Variants in NELL1 observed in about 807,000 individuals in gnomAD.
NELL1 encodes the protein neural EGFL like 1.
NELL1 carries 76 observed loss-of-function variants against 107.4 expected under a neutral mutation model. The ratio of observed to expected loss-of-function variants is 0.71; its 90% CI spans 0.59 to 0.86. The LOEUF is 0.86. Among genes scored for constraint, NELL1 ranks in the 40% least tolerant of loss-of-function variants. The pLI is 0.00. For synonymous variants in NELL1, 353 were observed against 341.2 expected, an observed-to-expected ratio of 1.03 and a Z score of -0.38; for missense variants, 1,024 against 1,005.5, an observed-to-expected ratio of 1.02 and a Z score of -0.25.
intron 12 of NELL1, among the ~76,000 whole-genome samples, chr11:20,969,174 T>A (rs1002689194): frequency 1.3e-5 from 2 of 152,168 alleles, no homozygotes; most frequent in Non-Finnish European, 2.9e-5. Context: ...CTTTTCACTT[T>A]CCTGTTGTAT....
intron 12 of NELL1, among the ~76,000 whole-genome samples, chr11:21,107,163 C>T (rs890917632): frequency 5.3e-5 from 8 of 151,954 alleles, no homozygotes; most frequent in East Asian, 3.9e-4. Flanking sequence ...ACACAAAGTC[C>T]GTAATATACA....
At chr11:21,461,430 G>T (rs981990014) in intron 15 of NELL1, among the ~76,000 whole-genome samples, 2 of 152,010 alleles carry the variant, frequency 1.3e-5, no homozygotes, top group African/African-American at 4.8e-5. Context: ...TTTATGCCAG[G>T]TCTTTCTCCC....
intron 4 of NELL1, among the ~76,000 whole-genome samples, chr11:20,851,047 T>C (rs1026838438): frequency 6.6e-6 from 1 of 152,162 alleles, no homozygotes; most frequent in Admixed American, 6.5e-5. Context: ...TAATGACATG[T>C]ACTGCCAAAG....
intron 16 of NELL1, among the ~76,000 whole-genome samples, chr11:21,536,325 A>G (rs1171124067): frequency 1.3e-5 from 2 of 152,258 alleles, no homozygotes; most frequent in African/African-American, 4.8e-5. Flanking sequence ...TGTATTCAAT[A>G]TAGTTAAACC....
At chr11:21,534,780 C>G (rs1195334644) in intron 16 of NELL1, among the ~76,000 whole-genome samples, 1 of 152,052 alleles carries the variant, frequency 6.6e-6, no homozygotes, top group African/African-American at 2.4e-5. Context: ...AAACCTTAGT[C>G]TTCTTAATTC....
chr11:20,970,485 T>C (rs1851476685), intron 12 of NELL1, among the ~76,000 whole-genome samples: 1 of 152,142 alleles, frequency 6.6e-6, no homozygotes, highest in African/African-American at 2.4e-5. Context: ...ACAATAGGAT[T>C]TGTTCTATCC....
rs112234388 is a variant in NELL1 at position 20,882,303 on chromosome 11, T to C, written c.507-3141T>C. Among the ~76,000 whole-genome samples, 727 of 152,372 alleles carry C rather than the reference T, an allele frequency of 4.8e-3. 11 individuals are homozygous for C. The highest frequency in any genetic ancestry group is 0.016 in the African/African-American group (664 of 41,586). Reference sequence around the variant, plus strand: ...CTTGCCTCACCATTCCCACCAGGCCTGTGATAGGAAAATTCTGTGCGTATC... The same window carrying C: ...CTTGCCTCACCATTCCCACCAGGCCCGTGATAGGAAAATTCTGTGCGTATC... On this transcript the variant is annotated intron_variant, in intron 4 of 19. Transcript: ENST00000357134.
chr11:20,808,089 C>G (rs1293785138), intron 3 of NELL1, among the ~76,000 whole-genome samples: 3 of 152,196 alleles, frequency 2.0e-5, no homozygotes, highest in Admixed American at 6.5e-5. Context: ...ATCCTTTTTA[C>G]TCTTTCCTCT....
chr11:21,493,663 G>T (rs962397977), intron 15 of NELL1, among the ~76,000 whole-genome samples: 10 of 152,018 alleles, frequency 6.6e-5, no homozygotes, highest in African/African-American at 2.4e-4. Flanking sequence ...TTACGTAGAA[G>T]AAATATGCCC....
chr11:21,021,591 G>A (rs759540519), intron 12 of NELL1, among the ~76,000 whole-genome samples: 6 of 152,044 alleles, frequency 3.9e-5, no homozygotes, highest in Non-Finnish European at 8.8e-5. Context: ...AATTGCACAT[G>A]AACTGCTGTT....
intron 15 of NELL1, among the ~76,000 whole-genome samples, chr11:21,499,831 C>G (rs1855090430): frequency 6.6e-6 from 1 of 152,096 alleles, no homozygotes; most frequent in Non-Finnish European, 1.5e-5. Context: ...GTGTTGCATC[C>G]TTAGCCCAGG....
chr11:20,743,937 C>T (rs191413084), intron 2 of NELL1, among the ~76,000 whole-genome samples: 88 of 152,304 alleles, frequency 5.8e-4, no homozygotes, highest in African/African-American at 1.9e-3. Context: ...TTTTCTATCT[C>T]ACTAAACAGC....
intron 3 of NELL1, among the ~76,000 whole-genome samples, chr11:20,821,095 G>T (rs1003609704): frequency 6.6e-6 from 1 of 152,080 alleles, no homozygotes; most frequent in Non-Finnish European, 1.5e-5. Context: ...GGAAAGTCAA[G>T]GGAGGCTTTA....
intron 15 of NELL1, among the ~76,000 whole-genome samples, chr11:21,495,445 A>T (rs1024480287): frequency 6.6e-6 from 1 of 152,136 alleles, no homozygotes; most frequent in African/African-American, 2.4e-5. Flanking sequence ...TTTGACTATT[A>T]TGAGTAAATC....
At chr11:21,469,736 T>G (rs1230964703) in intron 15 of NELL1, among the ~76,000 whole-genome samples, 11 of 152,046 alleles carry the variant, frequency 7.2e-5, no homozygotes, top group Non-Finnish European at 1.0e-4. Flanking sequence ...GCAACAATGG[T>G]GATAATTCAA....
chr11:21,253,419 A>G (rs914391739), intron 14 of NELL1, among the ~76,000 whole-genome samples: 3 of 152,100 alleles, frequency 2.0e-5, no homozygotes, highest in African/African-American at 7.2e-5. Context: ...CAATGTTTCT[A>G]AGAATAACCC....
intron 2 of NELL1, among the ~76,000 whole-genome samples, chr11:20,755,914 A>G (rs1856274262): frequency 9.6e-6 from 1 of 104,120 alleles, no homozygotes. Context: ...TTTTTATGAG[A>G]CGGAGTCTCG....
At chr11:21,173,326 CA>C (rs1856646044) in intron 13 of NELL1, among the ~76,000 whole-genome samples, 1 of 151,804 alleles carries the variant, frequency 6.6e-6, no homozygotes, top group Non-Finnish European at 1.5e-5. Context: ...CTGGCAATAT[CA>C]ATCTAACTCC....
intron 14 of NELL1, among the ~76,000 whole-genome samples, chr11:21,342,642 T>TAAAAAA (rs369016970): frequency 3.3e-5 from 4 of 120,746 alleles, no homozygotes; most frequent in Non-Finnish European, 6.7e-5. Context: ...AGACTGTCTT[T>TAAAAAA]AAAAAAAAAA....
Sources: gnomAD v4.1 joint callset for allele counts (sites outside exome capture counted in the v4.1 genomes callset) on GRCh38, gnomAD v4.1.1 for gene constraint, MANE v1.5 for transcripts, NCBI Gene and HGNC (gene_info 2026-07-23, HGNC 2026-07-21) for gene names.